The following FBXO43 variants were observed in gnomAD, a reference collection of about 807,000 sequenced individuals.
The protein encoded by FBXO43 is F-box only protein 43.
Under a neutral mutation model 56.7 loss-of-function variants are expected in FBXO43, and 22 were observed. That is an observed-to-expected ratio of 0.39 (90% CI 0.28 to 0.55). FBXO43 has a LOEUF of 0.55. FBXO43 is among the 20% of genes least tolerant of loss of function. FBXO43 has a pLI of 0.66. For synonymous variants in FBXO43, 306 were observed against 294.5 expected, an observed-to-expected ratio of 1.04 and a Z score of -0.40; for missense variants, 733 against 814.9, an observed-to-expected ratio of 0.90 and a Z score of 1.22.
At chr8:100,137,408 T>G in intron 3 of FBXO43, 157 bp downstream of exon 3, 1 of 566,720 alleles carries the variant, frequency 1.8e-6, no homozygotes. Flanking sequence ...ACAGACTGGG[T>G]GAAAATTGAG....
chr8:100,141,361 A>G lies in FBXO43; in HGVS notation c.893T>C (p.Ile298Thr), dbSNP rs1242012265. The G allele has an allele frequency of 6.2e-7, 1 of 1,613,542 alleles. No individual in the cohort carries two copies. Among genetic ancestry groups the G allele is most frequent in the Non-Finnish European group, 8.5e-7 (1 of 1,180,032 alleles). ...SGTTCGTDED[I>T]FVTPISNLVA... ...AAGATTACTTATCGGAGTCACAAAT[A>G]TGTCCTCATCTGTTCCACAAGTTGT... is the stretch of plus-strand genomic sequence containing the variant. Residue 298 changes from isoleucine to threonine, a missense_variant, in exon 2 of 5, where the codon ATA becomes ACA. Ile to Thr is a moderately conservative substitution (Grantham distance 89, BLOSUM62 -1). Coordinates refer to ENST00000428847, the MANE Select transcript of FBXO43 (RefSeq NM_001029860.4).
At chr8:100,144,755 C>T (rs1002793530) in intron 1 of FBXO43, among the ~76,000 whole-genome samples, 1 of 151,622 alleles carries the variant, frequency 6.6e-6, no homozygotes, top group African/African-American at 2.4e-5. Flanking sequence ...CACGGTGAAA[C>T]CCCGTCTCCA....
chr8:100,133,925 ACAAAAGT>A lies in FBXO43; in HGVS notation c.1997_2003del (p.Asp666ValfsTer38), dbSNP rs764261276. On this transcript the variant is annotated frameshift_variant, in exon 5 of 5. Coordinates refer to ENST00000428847, the MANE Select transcript of FBXO43 (RefSeq NM_001029860.4). LOFTEE classifies it high-confidence loss of function. ...CATGATAAGCACACAGACATAACAC[ACAAAAGT>A]CAAAACCACAGGCTGTTCGGCTACA... 6.2e-7 allele frequency: 1 copy of A among 1,614,136 alleles called. No homozygotes were observed. Among genetic ancestry groups the A allele is most frequent in the Non-Finnish European group, 8.5e-7 (1 of 1,180,008 alleles).
In FBXO43 at chr8:100,141,791, G is replaced by A. The variant is rs1454055124; in HGVS notation, c.463C>T (p.Arg155Cys). ...GCGAAAGATACATTCAACCTTCTGC[G>A]AGGTAAACATTTTTTCCCACTGATT... ...PKISGKKCLPRRRLNVSFALL... is the reference protein window; with the variant it reads ...PKISGKKCLPCRRLNVSFALL... The change falls in exon 2 of 5, where the codon CGC becomes TGC. Residue 155 changes from arginine to cysteine, a missense_variant. Coordinates refer to ENST00000428847, the MANE Select transcript of FBXO43 (RefSeq NM_001029860.4). 12 of 1,583,446 alleles carry A rather than the reference G, an allele frequency of 7.6e-6. 1 individual carries two copies. Among genetic ancestry groups the A allele is most frequent in the South Asian group, 4.7e-5 (4 of 84,984 alleles).
intron 1 of FBXO43, among the ~76,000 whole-genome samples, chr8:100,143,284 A>G (rs1489375837): frequency 1.3e-5 from 2 of 152,234 alleles, no homozygotes; most frequent in African/African-American, 2.4e-5. Context: ...TTTCTCCATT[A>G]AAAGATCCTG....
In FBXO43 at chr8:100,141,735, A is replaced by G. The variant is rs79186505; in HGVS notation, c.519T>C (p.Asn173=). The part of the protein sequence containing the change: ...ALLKGDFESQ[N]SSLESSISQV... ...GGCTTATACTACTTTCTAAAGAACT[A>G]TTTTGTGATTCAAAGTCCCCTTTTA... The change falls in exon 2 of 5, where the codon AAT becomes AAC. Residue 173 remains asparagine (N), a synonymous_variant. Transcript: ENST00000428847. 3,699 of 1,597,190 alleles carry G rather than the reference A, an allele frequency of 2.3e-3. 70 individuals are homozygous for G. The African/African-American group carries it at 0.043, about 19-fold the overall frequency.
At chr8:100,135,979 G>A (rs1814458129) in intron 3 of FBXO43, among the ~76,000 whole-genome samples, 1 of 151,722 alleles carries the variant, frequency 6.6e-6, no homozygotes, top group African/African-American at 2.4e-5. Flanking sequence ...TTACATGGAG[G>A]GTTGCCAGCA....
chr8:100,141,876 CT>C lies in FBXO43; in HGVS notation c.377del (p.Lys126ArgfsTer33), dbSNP rs1406026740. 2 of 1,589,174 alleles carry C rather than the reference CT, an allele frequency of 1.3e-6. No individual in the cohort carries two copies. The highest frequency in any genetic ancestry group is 1.2e-5 in the South Asian group (1 of 84,906). On this transcript the variant is annotated frameshift_variant, in exon 2 of 5. Transcript: ENST00000428847. LOFTEE classifies it high-confidence loss of function. ...THPLESPTQK[K>X]KCILPRKEKD... ...TTTCCTTTCTAGGCAAGATACATTT[CT>C]TTTTTTGAGTGGGAGATTCTAAAGG...
Position 100,140,796 on chromosome 8 carries a change from G to T in FBXO43, c.1458C>A (p.Ile486=). 6.2e-7 allele frequency: 1 copy of T among 1,613,844 alleles called. No homozygotes were observed. The highest frequency in any genetic ancestry group is 8.5e-7 in the Non-Finnish European group (1 of 1,179,948). ...GTTTTTCTATACCCATTTTCTTGCC[G>T]ATCAGTCCTGCAAGTATACACTGCA... ...AVLQCILAGL[I]GKKMGIEKLD... The change falls in exon 2 of 5, where the codon ATC becomes ATA. Residue 486 remains isoleucine (I), a synonymous_variant. Coordinates refer to ENST00000428847, the MANE Select transcript of FBXO43 (RefSeq NM_001029860.4).
At chr8:100,134,476 C>A (rs1814408163) in intron 3 of FBXO43, 112 bp from the exon 4 acceptor site, 1 of 847,688 alleles carries the variant, frequency 1.2e-6, no homozygotes, top group East Asian at 2.6e-5. Context: ...CATCCGAATT[C>A]TCTCCCTAGG....
chr8:100,150,123 G>A (rs564400124), upstream of FBXO43, among the ~76,000 whole-genome samples: 1 of 152,326 alleles, frequency 6.6e-6, no homozygotes, highest in East Asian at 1.9e-4. Context: ...AACGGATTGG[G>A]CGAGGGATGT....
intron 3 of FBXO43, among the ~76,000 whole-genome samples, chr8:100,135,256 G>A (rs1394402143): frequency 6.6e-6 from 1 of 152,106 alleles, no homozygotes; most frequent in Non-Finnish European, 1.5e-5. Flanking sequence ...AATTCAGAGA[G>A]AGAGGGGTTA....
chr8:100,141,872 A>G lies in FBXO43; in HGVS notation c.382T>C (p.Cys128Arg), dbSNP rs763867254. 1 of 1,589,116 alleles carries G rather than the reference A, an allele frequency of 6.3e-7. No homozygotes were observed. Among genetic ancestry groups the G allele is most frequent in the Non-Finnish European group, 8.5e-7 (1 of 1,172,936 alleles). Reference protein sequence around the residue: ...PLESPTQKKKCILPRKEKDKT... With the variant: ...PLESPTQKKKRILPRKEKDKT... ...TCCTTTTCCTTTCTAGGCAAGATAC[A>G]TTTCTTTTTTTGAGTGGGAGATTCT... The change falls in exon 2 of 5, where the codon TGT (cysteine) becomes CGT (arginine). Residue 128 changes from cysteine to arginine, a missense_variant. Transcript: ENST00000428847.
chr8:100,136,371 T>G (rs978153622), intron 3 of FBXO43, among the ~76,000 whole-genome samples: 1 of 152,236 alleles, frequency 6.6e-6, no homozygotes, highest in African/African-American at 2.4e-5. Context: ...AATTAGAAAT[T>G]TACTTATAGT....
chr8:100,143,745 G>A (rs1006711686), intron 1 of FBXO43, among the ~76,000 whole-genome samples: 6 of 152,110 alleles, frequency 3.9e-5, no homozygotes, highest in African/African-American at 1.2e-4. Flanking sequence ...CTCAATTTGC[G>A]TCACAGCCCT....
intron 3 of FBXO43, 60 bp from the exon 4 acceptor site, chr8:100,134,424 T>A: frequency 7.2e-7 from 1 of 1,395,022 alleles, no homozygotes; most frequent in Non-Finnish European, 1.0e-6. Flanking sequence ...GGGATAGCTT[T>A]CTGATGCACA....
Position 100,140,989 on chromosome 8 carries a change from A to T in FBXO43, c.1265T>A (p.Leu422Gln), listed in dbSNP as rs1381878262. Residue 422 changes from leucine (L) to glutamine (Q), a missense_variant, in exon 2 of 5, where the codon CTG (leucine) becomes CAG (glutamine). By Grantham distance (113) the Leu-to-Gln change is moderately radical (BLOSUM62 -2). Coordinates refer to ENST00000428847, the MANE Select transcript of FBXO43 (RefSeq NM_001029860.4). ...CAAATCCCCACTCTCATCACTACTCAGCTGACCCTCTGAGATGGCAGAAGC... is the reference window on the plus strand; with the variant it reads ...CAAATCCCCACTCTCATCACTACTCTGCTGACCCTCTGAGATGGCAGAAGC... ...AAASAISEGQ[L>Q]SSDESGDLTF... The T allele has an allele frequency of 6.2e-7, 1 of 1,614,206 alleles. No homozygotes were observed. Among genetic ancestry groups the T allele is most frequent in the South Asian group, 1.1e-5 (1 of 91,088 alleles).
At position 100,140,827 on chromosome 8, in the gene FBXO43, G is replaced by C. The variant is rs1344976986; in HGVS notation, c.1427C>G (p.Ala476Gly). ...TCCTGCAAGTATACACTGCAGTACA[G>C]CTATTTTCTCCCCATCCCCTTGCTC... ...FLEQGDGEKI[A>G]VLQCILAGLI... Residue 476 changes from alanine to glycine, a missense_variant, in exon 2 of 5, where the codon GCT (alanine) becomes GGT (glycine). Ala to Gly is a moderately conservative substitution (Grantham distance 60). Coordinates refer to ENST00000428847, the MANE Select transcript of FBXO43 (RefSeq NM_001029860.4). The C allele has an allele frequency of 6.2e-7, 1 of 1,614,202 alleles. No homozygotes were observed. The highest frequency in any genetic ancestry group is 1.1e-5 in the South Asian group (1 of 91,088).
At chr8:100,150,526 G>A (rs73696156), upstream of FBXO43, 1 of 152,286 alleles carries the variant, frequency 6.6e-6, no homozygotes, top group Non-Finnish European at 1.5e-5. Context: ...GAAAGCCCCT[G>A]CTTTACCGCC....
Sources: gnomAD v4.1 joint callset for allele counts (sites outside exome capture counted in the v4.1 genomes callset) on GRCh38, gnomAD v4.1.1 for gene constraint, MANE v1.5 for transcripts, NCBI Gene and HGNC (gene_info 2026-07-23, HGNC 2026-07-21) for gene names.